SLC4A7: variants seen among roughly 807,000 people sequenced by gnomAD.
The protein encoded by SLC4A7 is sodium bicarbonate cotransporter 3.
In SLC4A7, 51 loss-of-function variants were observed where a neutral mutation model predicts 137.6. The observed-to-expected ratio is 0.37, with a 90% CI of 0.30 to 0.47. The LOEUF is 0.47. Among genes scored for constraint, SLC4A7 ranks in the 20% least tolerant of loss-of-function variants. The pLI is 1.00. For synonymous variants in SLC4A7, 542 were observed against 518.6 expected, an observed-to-expected ratio of 1.05 and a Z score of -0.61; for missense variants, 1,247 against 1,525.4, an observed-to-expected ratio of 0.82 and a Z score of 3.04.
rs1225316395 is a variant in SLC4A7, at chr3:27,373,020, A to C, written c.*3744T>G. ...AAATGAACAATAAAATTCAATTTTT[A>C]TTTATTTAAACGTAGTTAAACATTG... is the stretch of plus-strand genomic sequence containing the variant. On this transcript the variant is annotated 3_prime_UTR_variant, in exon 26 of 26. Transcript: ENST00000454389. The C allele has an allele frequency of 6.6e-6, 1 of 151,208 alleles. No individual in the cohort carries two copies. Among genetic ancestry groups the C allele is most frequent in the Admixed American group, 6.6e-5 (1 of 15,138 alleles). 9.4% of individuals were successfully genotyped at this position (151,208 alleles called of 1,614,324 possible).
chr3:27,459,025 C>T (rs1165767650), intron 1 of SLC4A7, among the ~76,000 whole-genome samples: 1 of 151,904 alleles, frequency 6.6e-6, no homozygotes. Context: ...AAAAAAATTC[C>T]AAAATGACCT....
chr3:27,430,777 A>G (rs955722654), intron 7 of SLC4A7, among the ~76,000 whole-genome samples: 7 of 151,422 alleles, frequency 4.6e-5, no homozygotes, highest in African/African-American at 1.7e-4. Flanking sequence ...GGCTGCAGTG[A>G]GCTGAGATCA....
In SLC4A7 at chr3:27,434,030, G is replaced by A. The variant is rs145741989; in HGVS notation, c.664C>T (p.Leu222=). The change falls in exon 6 of 26, where the codon CTG becomes TTG. Residue 222 remains leucine, a synonymous_variant. Coordinates refer to ENST00000454389, the MANE Select transcript of SLC4A7 (RefSeq NM_001321103.2). ...SIRENVREAL[L]KRHHHQNEKR... ...TCATTCTGATGATGATGTCTCTTCAGAAGAGCTTCTCTGACATTCTCTCGT... is the reference window on the plus strand; with the variant it reads ...TCATTCTGATGATGATGTCTCTTCAAAAGAGCTTCTCTGACATTCTCTCGT... The A allele has an allele frequency of 1.9e-6, 3 of 1,613,672 alleles. No individual in the cohort carries two copies. The highest frequency in any genetic ancestry group is 2.5e-6 in the Non-Finnish European group (3 of 1,179,874).
At chr3:27,422,277 G>A (rs1030146394) in intron 8 of SLC4A7, among the ~76,000 whole-genome samples, 1 of 152,090 alleles carries the variant, frequency 6.6e-6, no homozygotes, top group Non-Finnish European at 1.5e-5. Flanking sequence ...TTCATTAGTA[G>A]TATTTTTGAG....
chr3:27,434,090 T>C lies in SLC4A7; in HGVS notation c.604A>G (p.Asn202Asp), dbSNP rs747582148. 3 of 1,607,668 alleles carry C rather than the reference T, an allele frequency of 1.9e-6. No individual in the cohort carries two copies. Among genetic ancestry groups the C allele is most frequent in the East Asian group, 2.2e-5 (1 of 44,718 alleles). Reference protein sequence around the residue: ...LDEIADMVLDNMIASGQLDES... With the variant: ...LDEIADMVLDDMIASGQLDES... ...TCTAATTGGCCAGAAGCTATCATGT[T>C]GTCTAATACCATATCTATTCAATGA... is the stretch of plus-strand genomic sequence containing the variant. Residue 202 changes from asparagine (N) to aspartate (D), a missense_variant, in exon 6 of 26, where the codon AAC becomes GAC. By Grantham distance (23) the Asn-to-Asp change is conservative. Transcript: ENST00000454389.
At chr3:27,431,713 G>A (rs2056316674) in intron 6 of SLC4A7, 44 bp from the exon 7 acceptor site, 4 of 1,484,786 alleles carry the variant, frequency 2.7e-6, no homozygotes, top group South Asian at 1.5e-5. Flanking sequence ...GTCCACTGCA[G>A]AAGGCAAATA....
At chr3:27,427,316 TC>T (rs527583676) in intron 7 of SLC4A7, among the ~76,000 whole-genome samples, 15 of 25,846 alleles carry the variant, frequency 5.8e-4, no homozygotes, top group Non-Finnish European at 4.0e-4. Flanking sequence ...TAAATTCACT[TC>T]TTTTTTTTTT....
rs1369354699 is a variant in SLC4A7 at position 27,431,149 on chromosome 3, C to A, written c.1150+149G>T. ...TACTTTTGCACCAACCTAACACAAT[C>A]TATCATAAAGAAAAAAAAACATGCA... On this transcript the variant is annotated intron_variant, in intron 7 of 25. Transcript: ENST00000454389. 3.5e-6 allele frequency: 3 copies of A among 859,342 alleles called. No homozygotes were observed. In the East Asian group the frequency reaches 8.8e-5, roughly 25 times the overall value. 53.2% of individuals were successfully genotyped at this position (859,342 alleles called of 1,614,324 possible).
Position 27,391,790 on chromosome 3 carries a change from G to C in SLC4A7, c.3136C>G (p.Leu1046Val). ...SVLKFIPMPVLYGVFLYMGVS... is the reference protein window; with the variant it reads ...SVLKFIPMPVVYGVFLYMGVS... ...CCCATATAAAGGAAAACACCATACA[G>C]AACAGGCATTGGAATAAACTGTAAA... The change falls in exon 21 of 26, where the codon CTG becomes GTG. Residue 1046 changes from leucine (L) to valine (V), a missense_variant. Physicochemically the swap from Leu to Val is conservative, Grantham distance 32. This residue lies in a region of SLC4A7 where 290 missense variants were observed against 323.8 expected (regional missense o/e 0.90). Transcript: ENST00000454389. The C allele has an allele frequency of 6.3e-7, 1 of 1,595,348 alleles. No homozygotes were observed.
chr3:27,452,633 G>C, intron 1 of SLC4A7, 135 bp from the exon 2 acceptor site: 1 of 461,276 alleles, frequency 2.2e-6, no homozygotes, highest in East Asian at 3.5e-5. Context: ...ACAGCTAATT[G>C]CATTCTTTTA....
At chr3:27,431,705 C>G in intron 6 of SLC4A7, 36 bp from the exon 7 acceptor site, 2 of 1,494,250 alleles carry the variant, frequency 1.3e-6, no homozygotes, top group Non-Finnish European at 1.8e-6. Flanking sequence ...ATGATGAAGT[C>G]CACTGCAGAA....
intron 20 of SLC4A7, 99 bp downstream of exon 20, chr3:27,394,419 A>ATT: frequency 1.8e-6 from 2 of 1,093,294 alleles, no homozygotes; most frequent in African/African-American, 3.2e-5. Context: ...AACAAACCTA[A>ATT]TTTTAGGTAT....
intron 1 of SLC4A7, among the ~76,000 whole-genome samples, chr3:27,465,359 A>C (rs889653139): frequency 1.3e-5 from 2 of 151,884 alleles, no homozygotes; most frequent in African/African-American, 4.8e-5. Flanking sequence ...AACTTTAATA[A>C]AAAAGCAAGT....
chr3:27,376,859 A>C lies in SLC4A7; in HGVS notation c.3699-14T>G, dbSNP rs1263986401. 1.5e-6 allele frequency: 2 copies of C among 1,350,054 alleles called. No individual in the cohort carries two copies. The highest frequency in any genetic ancestry group is 2.0e-4 in the Middle Eastern group (1 of 4,972). 83.6% of individuals were successfully genotyped at this position (1,350,054 alleles called of 1,614,324 possible). The stretch of plus-strand genomic sequence containing the variant: ...GGTTTATCAGGACTATTTAAAACAA[A>C]GAATTAAAATAAATAATTTTAAAAT... On this transcript the variant is annotated splice_polypyrimidine_tract_variant and intron_variant, in intron 25 of 25. Transcript: ENST00000454389.
intron 25 of SLC4A7, among the ~76,000 whole-genome samples, chr3:27,378,230 T>A (rs955219552): frequency 1.3e-5 from 2 of 152,110 alleles, no homozygotes; most frequent in African/African-American, 4.8e-5. Flanking sequence ...AGGAAAAAGG[T>A]TCTAAAAGAG....
chr3:27,456,549 T>A, intron 1 of SLC4A7: 3 of 826,268 alleles, frequency 3.6e-6, no homozygotes, highest in Non-Finnish European at 6.3e-6. Context: ...GATACTATTC[T>A]AAGCCAGTGC....
chr3:27,476,255 A>G (rs182690751), intron 1 of SLC4A7, among the ~76,000 whole-genome samples: 26 of 152,304 alleles, frequency 1.7e-4, no homozygotes, highest in Admixed American at 1.0e-3. Flanking sequence ...TCACTTGCCT[A>G]AAATTTTCTC....
rs1339900671 is a variant in SLC4A7, at chr3:27,375,994, G to GA, written c.*769dup. The GA allele has an allele frequency of 1.3e-5, 2 of 151,988 alleles. No individual in the cohort carries two copies. Among genetic ancestry groups the GA allele is most frequent in the African/African-American group, 2.4e-5 (1 of 41,412 alleles). The allele number at this position is 151,988 out of a possible 1,614,324, so 9.4% of individuals were successfully genotyped here. A position where few individuals can be genotyped will look rare whatever the true frequency, so the allele number is the denominator to read the frequency against. On this transcript the variant is annotated 3_prime_UTR_variant, in exon 26 of 26. Transcript: ENST00000454389. ...GGCTTTAAAAGAGCATAAGGATTCA[G>GA]AAAAAATATTCTACAAAGGCATCAA... is the stretch of plus-strand genomic sequence containing the variant.
chr3:27,456,686 T>C (rs2058431725), intron 1 of SLC4A7: 4 of 1,611,414 alleles, frequency 2.5e-6, no homozygotes, highest in African/African-American at 2.7e-5. Flanking sequence ...CTTTCCATAG[T>C]AATATAGAAA....
Sources: allele counts gnomAD v4.1 joint callset (sites outside exome capture counted in the v4.1 genomes callset), GRCh38; gene constraint gnomAD v4.1.1; regional missense constraint gnomAD v4.1.1; transcripts MANE v1.5; gene names NCBI Gene and HGNC (gene_info 2026-07-23, HGNC 2026-07-21).